The following APP variants were observed in gnomAD, a reference collection of about 807,000 sequenced individuals.
APP encodes the protein amyloid beta precursor protein.
Under a neutral mutation model 101.4 loss-of-function variants are expected in APP, and 31 were observed. The ratio of observed to expected loss-of-function variants is 0.31; its 90% CI spans 0.23 to 0.41. The LOEUF is 0.41. Ranked by LOEUF, APP falls within the 10% of genes least tolerant of loss-of-function variation. The pLI, the probability that APP is intolerant of heterozygous loss-of-function variation, is 1.00. For synonymous variants in APP, 366 were observed against 364.4 expected (o/e 1.00, Z -0.05); for missense variants, 839 against 1,003.7 (o/e 0.84, Z 2.22).
At chr21:26,111,855 A>G in intron 2 of APP, 124 bp downstream of exon 2, 1 of 961,780 alleles carries the variant, frequency 1.0e-6, no homozygotes, top group South Asian at 1.3e-5. Context: ...GGTATGGTGA[A>G]TCATTAGGAA....
chr21:26,168,096 A>AAAAT (rs919079690), intron 1 of APP, among the ~76,000 whole-genome samples: 12 of 152,318 alleles, frequency 7.9e-5, no homozygotes, highest in South Asian at 2.1e-4. Flanking sequence ...GCTAGATTTA[A>AAAAT]AAATAAATAA....
chr21:26,149,446 A>G (rs1411829910), intron 1 of APP, among the ~76,000 whole-genome samples: 2 of 152,240 alleles, frequency 1.3e-5, no homozygotes, highest in Non-Finnish European at 2.9e-5. Flanking sequence ...ACAACCAAGG[A>G]GGCCTCTCAG....
chr21:26,024,886 T>C (rs1189563375), intron 5 of APP, among the ~76,000 whole-genome samples: 2 of 152,228 alleles, frequency 1.3e-5, no homozygotes, highest in South Asian at 2.1e-4. Flanking sequence ...AGCATGTGGC[T>C]AAAGAATAAA....
chr21:26,027,126 T>C (rs2211772), intron 5 of APP, among the ~76,000 whole-genome samples: 15,247 of 152,204 alleles, frequency 0.1, 1,200 homozygotes, highest in East Asian at 0.29. Flanking sequence ...CTCATGGTTA[T>C]GTGAATATGG....
chr21:26,092,134 AT>A (rs1364316736), intron 2 of APP, among the ~76,000 whole-genome samples: 9 of 152,176 alleles, frequency 5.9e-5, no homozygotes, highest in African/African-American at 1.9e-4. Context: ...AAAAGTTGAT[AT>A]TTTGTTCATC....
Position 26,051,002 on chromosome 21 carries a change from C to T in APP, c.660G>A (p.Gly220=), listed in dbSNP as rs2045814860. 3.1e-6 allele frequency: 5 copies of T among 1,614,160 alleles called. No individual in the cohort carries two copies. The African/African-American group carries it at 4.0e-5, about 13-fold the overall frequency. ...GCTGAACACAAAGGCCACCTTACCT[C>T]CCATCTGCATAGTCTGTGTCTGCTC... is the stretch of plus-strand genomic sequence containing the variant. ...WGGADTDYAD[G]SEDKVVEVAE... is the part of the protein sequence containing the mutation. The change falls in exon 5 of 18, where the codon GGG becomes GGA. Residue 220 remains glycine (G), a splice_region_variant and synonymous_variant. Coordinates refer to ENST00000346798, the MANE Select transcript of APP (RefSeq NM_000484.4).
At position 25,975,085 on chromosome 21, in the gene APP, C is replaced by T; in HGVS notation, c.1443G>A (p.Gln481=). The change falls in exon 11 of 18, where the codon CAG becomes CAA. Residue 481 remains glutamine, a synonymous_variant. Transcript: ENST00000346798. ...LALENYITAL[Q]AVPPRPRHVF... ...CGAGACCTACCCGAGGAGGAACAGC[C>T]TGCAGAGCGGTGATGTAGTTCTCCA... The T allele has an allele frequency of 6.2e-7, 1 of 1,614,114 alleles. No individual in the cohort carries two copies. Among genetic ancestry groups the T allele is most frequent in the South Asian group, 1.1e-5 (1 of 91,080 alleles).
chr21:25,955,867 G>A lies in APP; in HGVS notation c.1459-112C>T. On this transcript the variant is annotated intron_variant, in intron 11 of 17. Transcript: ENST00000346798. ...GCATCCGGTCATGTGAACGTACTGT[G>A]AGTCACCTTTTTGCAGGTCTGCCTT... 2.7e-6 allele frequency: 4 copies of A among 1,478,368 alleles called. No homozygotes were observed. In the Admixed American group the frequency reaches 6.7e-5, roughly 25 times the overall value. 91.6% of individuals were successfully genotyped at this position (1,478,368 alleles called of 1,614,324 possible).
intron 11 of APP, among the ~76,000 whole-genome samples, chr21:25,973,770 C>T (rs570013737): frequency 6.6e-6 from 1 of 151,948 alleles, no homozygotes; most frequent in African/African-American, 2.4e-5. Flanking sequence ...TGTTGAAACC[C>T]TGTCTCTACT....
intron 3 of APP, among the ~76,000 whole-genome samples, chr21:26,076,061 T>A (rs2061492921): frequency 6.6e-6 from 1 of 152,088 alleles, no homozygotes; most frequent in Admixed American, 6.5e-5. Context: ...GCCTGGCTAA[T>A]TTTTGTACTT....
chr21:26,101,079 T>C (rs1296456388), intron 2 of APP, among the ~76,000 whole-genome samples: 1 of 150,628 alleles, frequency 6.6e-6, no homozygotes, highest in Non-Finnish European at 1.5e-5. Context: ...TGTTTCAAGT[T>C]ATCTCTTTTT....
At position 25,883,906 on chromosome 21, in the gene APP, T is replaced by C. The variant is rs541967479; in HGVS notation, c.2212-2135A>G. On this transcript the variant is annotated intron_variant, in intron 17 of 17. Transcript: ENST00000346798. ...ATGTTCCATCCATTATGTGCCCATT[T>C]TTTTTGAGTTGGAGTCTTGCTCTTG... 2.0e-5 allele frequency among the ~76,000 whole-genome samples: 3 copies of C among 152,272 alleles called. No individual in the cohort carries two copies. The South Asian group carries it at 6.2e-4, about 32-fold the overall frequency.
intron 2 of APP, among the ~76,000 whole-genome samples, chr21:26,111,224 G>C (rs1011086822): frequency 2.6e-5 from 4 of 151,892 alleles, no homozygotes; most frequent in Non-Finnish European, 5.9e-5. Flanking sequence ...AATAGAGAAT[G>C]AGTGAAAAGT....
At chr21:25,918,850 C>G (rs893753401) in intron 13 of APP, among the ~76,000 whole-genome samples, 2 of 148,962 alleles carry the variant, frequency 1.3e-5, no homozygotes, top group African/African-American at 4.9e-5. Flanking sequence ...ACAAAGCAGC[C>G]GGGAAGCTCG....
intron 6 of APP, among the ~76,000 whole-genome samples, chr21:26,006,537 A>G (rs2043538186): frequency 6.6e-6 from 1 of 152,238 alleles, no homozygotes. Context: ...ATAACACAAA[A>G]TAATACAGAA....
chr21:25,896,161 T>TTA (rs1329316529), intron 16 of APP, among the ~76,000 whole-genome samples: 1 of 152,142 alleles, frequency 6.6e-6, no homozygotes, highest in Non-Finnish European at 1.5e-5. Flanking sequence ...AACCCTGATC[T>TTA]TATAACAACT....
chr21:26,042,694 G>C (rs1247097038), intron 5 of APP, among the ~76,000 whole-genome samples: 1 of 151,732 alleles, frequency 6.6e-6, no homozygotes, highest in African/African-American at 2.4e-5. Context: ...TTGAGGCCAG[G>C]AGTTTGAAAA....
At chr21:26,147,833 G>A (rs2063184126) in intron 1 of APP, among the ~76,000 whole-genome samples, 1 of 151,692 alleles carries the variant, frequency 6.6e-6, no homozygotes, top group South Asian at 2.1e-4. Flanking sequence ...GAAGTCTCTT[G>A]GAAGGACTGA....
intron 2 of APP, among the ~76,000 whole-genome samples, chr21:26,092,371 A>G (rs1389008049): frequency 6.6e-6 from 1 of 152,164 alleles, no homozygotes; most frequent in East Asian, 1.9e-4. Flanking sequence ...ATGAAAAGAC[A>G]TGGAGGAACT....
Sources: allele counts gnomAD v4.1 joint callset (sites outside exome capture counted in the v4.1 genomes callset), GRCh38; gene constraint gnomAD v4.1.1; transcripts MANE v1.5; gene names NCBI Gene and HGNC (gene_info 2026-07-23, HGNC 2026-07-21).